ZNF214: variants seen among roughly 807,000 people sequenced by gnomAD.
ZNF214 encodes zinc finger protein 214.
ZNF214 carries 43 observed loss-of-function variants against 53.9 expected under a neutral mutation model. That is an observed-to-expected ratio of 0.80 (90% CI 0.63 to 1.03). ZNF214 has a LOEUF of 1.03. Among genes scored for constraint, ZNF214 ranks in the 50% least tolerant of loss-of-function variants. ZNF214 has a pLI of 0.00. For synonymous variants in ZNF214, 217 were observed against 229.5 expected (o/e 0.95, Z 0.49); for missense variants, 724 against 719.1 (o/e 1.01, Z -0.08).
In ZNF214 at chr11:7,000,186, T is replaced by A. The variant is rs776383332; in HGVS notation, c.1497A>T (p.Lys499Asn). Residue 499 changes from lysine to asparagine, a missense_variant, in exon 3 of 3, where the codon AAA (lysine) becomes AAT (asparagine). Coordinates refer to ENST00000278314, the MANE Select transcript of ZNF214 (RefSeq NM_013249.4). ...QRVHTGEKPY[K>N]CEECGKGFSQ... ...TGAATCCCTTGCCACACTCTTCACA[T>A]TTGTAGGGTTTCTCTCCAGTATGTA... is the stretch of plus-strand genomic sequence containing the variant. 2 of 1,613,170 alleles carry A rather than the reference T, an allele frequency of 1.2e-6. No homozygotes were observed. The highest frequency in any genetic ancestry group is 2.7e-5 in the African/African-American group (2 of 74,846).
In ZNF214 at chr11:7,001,933, G is replaced by C. The variant is rs1370724163; in HGVS notation, c.128-378C>G. Among the ~76,000 whole-genome samples, 5 of 151,936 alleles carry C rather than the reference G, an allele frequency of 3.3e-5. No individual in the cohort carries two copies. The East Asian group carries it at 9.6e-4, about 29-fold the overall frequency. On this transcript the variant is annotated intron_variant, in intron 2 of 2. Coordinates refer to ENST00000278314, the MANE Select transcript of ZNF214 (RefSeq NM_013249.4). ...GCTCTTATAAGAAACAAAATATATT[G>C]TTCCTATTTTTCTGTTCTAGAATAG... is the stretch of plus-strand genomic sequence containing the variant.
At chr11:7,014,786 GC>G (rs1467193800) in intron 1 of ZNF214, among the ~76,000 whole-genome samples, 2 of 144,280 alleles carry the variant, frequency 1.4e-5, no homozygotes, top group African/African-American at 5.1e-5. Flanking sequence ...GGCCAACATG[GC>G]GAAACCCTGT....
chr11:7,000,300 C>A lies in ZNF214; in HGVS notation c.1383G>T (p.Gln461His). ...AGGGTTTCTCCCCTGTATGGACTCTCTGATGAATGCGAAGATCTGAGCTGT... is the reference window on the plus strand; with the variant it reads ...AGGGTTTCTCCCCTGTATGGACTCTATGATGAATGCGAAGATCTGAGCTGT... ...FSHSSDLRIH[Q>H]RVHTGEKPYT... Residue 461 changes from glutamine (Q) to histidine (H), a missense_variant, in exon 3 of 3, where the codon CAG (glutamine) becomes CAT (histidine). By Grantham distance (24) the Gln-to-His change is conservative. Transcript: ENST00000278314. The A allele has an allele frequency of 6.2e-7, 1 of 1,613,268 alleles. No individual in the cohort carries two copies. Among genetic ancestry groups the A allele is most frequent in the Non-Finnish European group, 8.5e-7 (1 of 1,179,558 alleles).
At chr11:7,016,843 C>T (rs1043909712) in intron 1 of ZNF214, among the ~76,000 whole-genome samples, 1 of 151,748 alleles carries the variant, frequency 6.6e-6, no homozygotes, top group Non-Finnish European at 1.5e-5. Context: ...AATTAAGAAA[C>T]AGGAAAATGA....
At chr11:7,010,662 T>A (rs1296597320) in intron 1 of ZNF214, among the ~76,000 whole-genome samples, 3 of 139,334 alleles carry the variant, frequency 2.2e-5, no homozygotes, top group African/African-American at 5.3e-5. Flanking sequence ...AGAGCAAACT[T>A]CAAAAAAGAA....
At chr11:7,003,138 A>G (rs916471008) in intron 1 of ZNF214, among the ~76,000 whole-genome samples, 2 of 152,016 alleles carry the variant, frequency 1.3e-5, no homozygotes, top group Non-Finnish European at 2.9e-5. Context: ...GTAGCTTTCT[A>G]CTACTATTAT....
In ZNF214 at chr11:7,001,601, T is replaced by G. The variant is rs778866110; in HGVS notation, c.128-46A>C. 40 of 1,528,242 alleles carry G rather than the reference T, an allele frequency of 2.6e-5. No individual in the cohort carries two copies. The African/African-American group carries it at 5.4e-4, about 21-fold the overall frequency. The allele number at this position is 1,528,242 out of a possible 1,614,324, so 94.7% of individuals were successfully genotyped here. A position where few individuals can be genotyped will look rare whatever the true frequency, so the allele number is the denominator to read the frequency against. On this transcript the variant is annotated intron_variant, in intron 2 of 2. Transcript: ENST00000278314. The stretch of plus-strand genomic sequence containing the variant: ...TCCCATGGTGAGATAAAAGCTGTGT[T>G]GAAAAATTTCCAACTATCTAAATCA...
At position 7,000,966 on chromosome 11, in the gene ZNF214, T is replaced by G. The variant is rs1851328715; in HGVS notation, c.717A>C (p.Arg239Ser). ...YWNSRCVFHK[R>S]NQPGENLCQC... ...GACAGAGGTTTTCTCCAGGTTGATT[T>G]CTCTTGTGGAAAACACACCGTGAGT... Residue 239 changes from arginine to serine, a missense_variant, in exon 3 of 3, where the codon AGA (arginine) becomes AGC (serine). Arg to Ser is a moderately radical substitution (Grantham distance 110). Transcript: ENST00000278314. The G allele has an allele frequency of 6.2e-7, 1 of 1,612,920 alleles. No homozygotes were observed. Among genetic ancestry groups the G allele is most frequent in the African/African-American group, 1.3e-5 (1 of 74,874 alleles).
At chr11:7,015,411 CT>C (rs1210198295) in intron 1 of ZNF214, among the ~76,000 whole-genome samples, 1 of 152,032 alleles carries the variant, frequency 6.6e-6, no homozygotes. Flanking sequence ...AACCTTGTCT[CT>C]ATTAAAGATA....
intron 1 of ZNF214, among the ~76,000 whole-genome samples, chr11:7,006,391 T>C (rs1589838083): frequency 6.6e-6 from 1 of 152,100 alleles, no homozygotes; most frequent in South Asian, 2.1e-4. Flanking sequence ...CGATTATTAG[T>C]TTTCTTTAAG....
At chr11:7,009,130 C>T (rs1311433257) in intron 1 of ZNF214, among the ~76,000 whole-genome samples, 1 of 152,052 alleles carries the variant, frequency 6.6e-6, no homozygotes, top group Non-Finnish European at 1.5e-5. Context: ...CCAAGGCAAT[C>T]CTAAGCAAAA....
At chr11:7,018,508 T>C (rs1391657278) in intron 1 of ZNF214, among the ~76,000 whole-genome samples, 1 of 141,252 alleles carries the variant, frequency 7.1e-6, no homozygotes, top group Non-Finnish European at 1.5e-5. Context: ...TTTTTTTTTT[T>C]TTTTTTTTTT....
In ZNF214 at chr11:7,008,504, G is replaced by A. The variant is rs893894962; in HGVS notation, c.-20-5649C>T. Among the ~76,000 whole-genome samples the A allele has an allele frequency of 3.6e-5, 5 of 137,904 alleles. No homozygotes were observed. In the South Asian group the frequency reaches 7.7e-4, roughly 21 times the overall value. The allele number at this position is 137,904 out of a possible 152,430, so 90.5% of individuals were successfully genotyped here. ...CATACTGAATAGGTGAAGGCTCAAA[G>A]TATTTACCTTGAGAACCAGAAAAAG... On this transcript the variant is annotated intron_variant, in intron 1 of 2. Coordinates refer to ENST00000278314, the MANE Select transcript of ZNF214 (RefSeq NM_013249.4).
intron 1 of ZNF214, among the ~76,000 whole-genome samples, chr11:7,013,431 A>C (rs1851655946): frequency 6.6e-6 from 1 of 152,212 alleles, no homozygotes; most frequent in Non-Finnish European, 1.5e-5. Flanking sequence ...CCTTGCTTCT[A>C]GCCCTCCTAG....
chr11:7,014,251 G>A (rs757551034), intron 1 of ZNF214, among the ~76,000 whole-genome samples: 6 of 152,136 alleles, frequency 3.9e-5, no homozygotes, highest in Non-Finnish European at 7.4e-5. Flanking sequence ...TCTGTTACTA[G>A]AATTATAAAC....
chr11:6,999,843 T>G lies in ZNF214; in HGVS notation c.*19A>C. 1 of 1,577,916 alleles carries G rather than the reference T, an allele frequency of 6.3e-7. No homozygotes were observed. The highest frequency in any genetic ancestry group is 8.6e-7 in the Non-Finnish European group (1 of 1,162,786). ...GTTAGGTAAACTTTGATTAAAGCTG[T>G]TAACTAAATGAACAATATTTATAAG... is the stretch of plus-strand genomic sequence containing the variant. On this transcript the variant is annotated 3_prime_UTR_variant, in exon 3 of 3. Coordinates refer to ENST00000278314, the MANE Select transcript of ZNF214 (RefSeq NM_013249.4).
At chr11:7,001,589 TA>T (rs1564992349) in intron 2 of ZNF214, 34 bp from the exon 3 acceptor site, 2 of 1,543,188 alleles carry the variant, frequency 1.3e-6, no homozygotes, top group Admixed American at 2.0e-5. Flanking sequence ...CATGGTGAGA[TA>T]AAAGCTGTGT....
intron 1 of ZNF214, among the ~76,000 whole-genome samples, chr11:7,018,795 C>T (rs1851840716): frequency 6.6e-6 from 1 of 152,148 alleles, no homozygotes; most frequent in Admixed American, 6.5e-5. Context: ...AGCCACCGCG[C>T]CTGGCGATGA....
intron 1 of ZNF214, among the ~76,000 whole-genome samples, chr11:7,019,329 C>T (rs2119512102): frequency 6.6e-6 from 1 of 152,260 alleles, no homozygotes; most frequent in Non-Finnish European, 1.5e-5. Flanking sequence ...ACACTGGCAC[C>T]TTGAAATTTA....
Sources: gnomAD v4.1 joint callset for allele counts (sites outside exome capture counted in the v4.1 genomes callset) on GRCh38, gnomAD v4.1.1 for gene constraint, MANE v1.5 for transcripts, NCBI Gene and HGNC (gene_info 2026-07-23, HGNC 2026-07-21) for gene names.